Variants in CGB7 observed in about 807,000 individuals in gnomAD.
CGB7 encodes the protein chorionic gonadotropin subunit beta 7, also known as choriogonadotropin subunit beta 7.
A neutral mutation model predicts 7.3 loss-of-function variants in CGB7; 6 were observed. That is an observed-to-expected ratio of 0.82 (90% CI 0.45 to 1.62). The LOEUF (loss-of-function observed/expected upper bound fraction) is 1.62, where lower values mean the gene tolerates loss of function less well. CGB7 is among the 40% of genes most tolerant of loss of function. The pLI is 0.01. For missense variants in CGB7, 114 were observed against 236.2 expected (o/e 0.48, Z 3.39); for synonymous variants, 47 against 100.8 (o/e 0.47, Z 3.20).
intron 2 of CGB7, 66 bp from the exon 3 acceptor site, chr19:49,056,661 G>T: frequency 8.4e-7 from 1 of 1,184,142 alleles, no homozygotes; most frequent in Non-Finnish European, 1.1e-6. Flanking sequence ...CAGACCTCGG[G>T]ATCTAAGGAG....
In CGB7 at chr19:49,056,269, T is replaced by A. The variant is rs952575983; in HGVS notation, c.-894A>T. The A allele has an allele frequency of 3.1e-6, 4 of 1,290,292 alleles. No homozygotes were observed. In the African/African-American group the frequency reaches 6.1e-5, roughly 20 times the overall value. 79.9% of individuals were successfully genotyped at this position (1,290,292 alleles called of 1,614,324 possible). The stretch of plus-strand genomic sequence containing the variant: ...CTGGGGTGGGGCTGGCCCGGCAGGC[T>A]CCCACTAGCCCCGGCTTACAGCGGC... On this transcript the variant is annotated 5_prime_UTR_variant, in exon 3 of 5. Coordinates refer to ENST00000684222, the MANE Select transcript of CGB7 (RefSeq NM_001385261.1).
rs767078010 is a variant in CGB7 at position 49,057,209 on chromosome 19, G to A, written c.-1309C>T. 4.0e-5 allele frequency: 62 copies of A among 1,534,170 alleles called. No individual in the cohort carries two copies. The highest frequency in any genetic ancestry group is 5.3e-5 in the Non-Finnish European group (61 of 1,146,324). ...CCCCGGTCGGATACTGTGAAGGGTG[G>A]GCCAGACAGCGCGGGGTTCTTCGTG... On this transcript the variant is annotated 5_prime_UTR_variant, in exon 2 of 5. Coordinates refer to ENST00000684222, the MANE Select transcript of CGB7 (RefSeq NM_001385261.1).
In CGB7 at chr19:49,056,351, G is replaced by T. The variant is rs1239304133; in HGVS notation, c.-976C>A. On this transcript the variant is annotated 5_prime_UTR_variant, in exon 3 of 5. Coordinates refer to ENST00000684222, the MANE Select transcript of CGB7 (RefSeq NM_001385261.1). ...CGGGACGCTGTGTATGCCCGGCAGGGGCTTCCAGTGGGGGCCACCCCAAGT... is the reference window on the plus strand; with the variant it reads ...CGGGACGCTGTGTATGCCCGGCAGGTGCTTCCAGTGGGGGCCACCCCAAGT... 2.1e-5 allele frequency: 27 copies of T among 1,295,482 alleles called. No individual in the cohort carries two copies. The highest frequency in any genetic ancestry group is 2.7e-5 in the Non-Finnish European group (27 of 992,382). The allele number at this position is 1,295,482 out of a possible 1,614,324, so 80.2% of individuals were successfully genotyped here. A position where few individuals can be genotyped will look rare whatever the true frequency, so the allele number is the denominator to read the frequency against.
intron 2 of CGB7, 70 bp from the exon 3 acceptor site, chr19:49,056,665 T>G (rs1248155270): frequency 8.5e-7 from 1 of 1,180,606 alleles, no homozygotes; most frequent in East Asian, 5.4e-5. Context: ...CCTCGGGATC[T>G]AAGGAGTCTG....
rs771976429 is a variant in CGB7, at chr19:49,055,361, C to T, written c.15G>A (p.Gln5=). 5 of 1,613,090 alleles carry T rather than the reference C, an allele frequency of 3.1e-6. No homozygotes were observed. In the East Asian group the frequency reaches 1.1e-4, roughly 36 times the overall value. The change falls in exon 3 of 5, where the codon CAG becomes CAA. Residue 5 remains glutamine (Q), a splice_region_variant and synonymous_variant. Coordinates refer to ENST00000684222, the MANE Select transcript of CGB7 (RefSeq NM_001385261.1). ...GTGCCCAGGGGCCCTGCAGTCTTAC[C>T]TGGAACATCTCCATCCTTGGTGCGT... MEMF[Q]GLLLLLLLSM...
rs1181933892 is a variant in CGB7 at position 49,056,528 on chromosome 19, G to C, written c.-1153C>G. On this transcript the variant is annotated 5_prime_UTR_variant, in exon 3 of 5. Coordinates refer to ENST00000684222, the MANE Select transcript of CGB7 (RefSeq NM_001385261.1). Reference sequence around the variant, plus strand: ...TGCCGCTGCGGGTCGTGACTCCAGAGTTGGGGCGTCTCTTCTAAGCTCCAG... The same window carrying C: ...TGCCGCTGCGGGTCGTGACTCCAGACTTGGGGCGTCTCTTCTAAGCTCCAG... 19 of 1,303,138 alleles carry C rather than the reference G, an allele frequency of 1.5e-5. No individual in the cohort carries two copies. The highest frequency in any genetic ancestry group is 4.5e-5 in the African/African-American group (3 of 66,224). The allele number at this position is 1,303,138 out of a possible 1,614,324, so 80.7% of individuals were successfully genotyped here.
chr19:49,057,441 C>G (rs2040080443), intron 1 of CGB7, 21 bp downstream of exon 1: 1 of 1,349,738 alleles, frequency 7.4e-7, no homozygotes, highest in East Asian at 3.2e-5. Context: ...TTTCTCATAC[C>G]CGAACCCTTC....
chr19:49,057,507 G>A lies in CGB7; in HGVS notation c.-1394C>T. ...CTGCTGGTCAAGGAACTCAAATGCA[G>A]GCCCCCAGCCACCACAAAATCCCCC... On this transcript the variant is annotated 5_prime_UTR_variant, in exon 1 of 5. Transcript: ENST00000684222. 1 of 1,236,844 alleles carries A rather than the reference G, an allele frequency of 8.1e-7. No individual in the cohort carries two copies. The highest frequency in any genetic ancestry group is 1.0e-6 in the Non-Finnish European group (1 of 981,362). The allele number at this position is 1,236,844 out of a possible 1,614,324, so 76.6% of individuals were successfully genotyped here.
chr19:49,055,091 A>G (rs1159159913), intron 3 of CGB7, 83 bp from the exon 4 acceptor site: 1 of 1,598,848 alleles, frequency 6.3e-7, no homozygotes, highest in Non-Finnish European at 8.5e-7. Flanking sequence ...TACACCACCC[A>G]CAAAGACCCA....
In CGB7 at chr19:49,056,417, T is replaced by C; in HGVS notation, c.-1042A>G. On this transcript the variant is annotated 5_prime_UTR_variant, in exon 3 of 5. Coordinates refer to ENST00000684222, the MANE Select transcript of CGB7 (RefSeq NM_001385261.1). ...GAAGCGGTCGAGCCGGCGGAGCGGG[T>C]GCGGCGAGGAGCTGTAGGTTTCCTG... 7.7e-7 allele frequency: 1 copy of C among 1,296,292 alleles called. No homozygotes were observed. Among genetic ancestry groups the C allele is most frequent in the Non-Finnish European group, 1.0e-6 (1 of 993,152 alleles). The allele number at this position is 1,296,292 out of a possible 1,614,324, so 80.3% of individuals were successfully genotyped here. A position where few individuals can be genotyped will look rare whatever the true frequency, so the allele number is the denominator to read the frequency against.
rs1245037310 is a variant in CGB7, at chr19:49,056,582, C to T, written c.-1207G>A. On this transcript the variant is annotated 5_prime_UTR_variant, in exon 3 of 5. Transcript: ENST00000684222. Reference sequence around the variant, plus strand: ...GTCAGGTAGTCCTTGCGGGGGTATCCGGACGGCTCCGTCCTGTGGGAGCAG... The same window carrying T: ...GTCAGGTAGTCCTTGCGGGGGTATCTGGACGGCTCCGTCCTGTGGGAGCAG... 1.5e-6 allele frequency: 2 copies of T among 1,291,714 alleles called. No homozygotes were observed. Among genetic ancestry groups the T allele is most frequent in the Non-Finnish European group, 1.0e-6 (1 of 989,774 alleles). 80.0% of individuals were successfully genotyped at this position (1,291,714 alleles called of 1,614,324 possible).
Position 49,055,432 on chromosome 19 carries a change from G to T in CGB7, c.-57C>A. On this transcript the variant is annotated 5_prime_UTR_variant, in exon 3 of 5. Transcript: ENST00000684222. ...CTTTATACCTCGGGTTTGTGGGGGC[G>T]TCAAGGCCACCAGGAGGTTGTAGGA... The T allele has an allele frequency of 6.2e-7, 1 of 1,605,846 alleles. No homozygotes were observed. The highest frequency in any genetic ancestry group is 8.5e-7 in the Non-Finnish European group (1 of 1,175,704).
Position 49,054,850 on chromosome 19 carries a change from G to T in CGB7, c.174C>A (p.Cys58Ter). ...TVNTTICAGY[C>*]PTMTRVLQGV... is the part of the protein sequence containing the mutation. ...GCCCCGGGCAGCTCACCATGGTGGG[G>T]CAGTAGCCGGCACAGATGGTGGTGT... The change falls in exon 4 of 5, where the codon TGC becomes TGA. Residue 58 changes from cysteine (C) to a stop codon, truncating the protein, a stop_gained. Coordinates refer to ENST00000684222, the MANE Select transcript of CGB7 (RefSeq NM_001385261.1). LOFTEE classifies it low-confidence loss of function (END_TRUNC). 1 of 1,585,380 alleles carries T rather than the reference G, an allele frequency of 6.3e-7. No individual in the cohort carries two copies. The highest frequency in any genetic ancestry group is 8.5e-7 in the Non-Finnish European group (1 of 1,172,810).
chr19:49,054,989 A>G lies in CGB7; in HGVS notation c.35T>C (p.Leu12Pro), dbSNP rs551337627. The G allele has an allele frequency of 6.2e-7, 1 of 1,601,956 alleles. No individual in the cohort carries two copies. Among genetic ancestry groups the G allele is most frequent in the East Asian group, 2.2e-5 (1 of 44,816 alleles). ...TGCCCATGTCCCGCCCATGCTCAGC[A>G]GCAGCAACAGCAGCAGCCCCTGGGA... ...EMFQGLLLLL[L>P]LSMGGTWASR... Residue 12 changes from leucine (L) to proline (P), a missense_variant, in exon 4 of 5, where the codon CTG becomes CCG. Physicochemically the swap from Leu to Pro is moderately conservative, Grantham distance 98. This residue lies in a region of CGB7 where 58 missense variants were observed against 91.7 expected (regional missense o/e 0.63). Coordinates refer to ENST00000684222, the MANE Select transcript of CGB7 (RefSeq NM_001385261.1).
At position 49,055,984 on chromosome 19, in the gene CGB7, T is replaced by G. The variant is rs2040055923; in HGVS notation, c.-609A>C. 9.0e-7 allele frequency: 1 copy of G among 1,115,694 alleles called. No homozygotes were observed. Among genetic ancestry groups the G allele is most frequent in the South Asian group, 2.1e-5 (1 of 47,148 alleles). The allele number at this position is 1,115,694 out of a possible 1,614,324, so 69.1% of individuals were successfully genotyped here. Reference sequence around the variant, plus strand: ...GGATGCCCGGAGCGGTCCCCGGAAATGCGTGTGCTTCAGGTGATTTAACTG... The same window carrying G: ...GGATGCCCGGAGCGGTCCCCGGAAAGGCGTGTGCTTCAGGTGATTTAACTG... On this transcript the variant is annotated 5_prime_UTR_variant, in exon 3 of 5. Coordinates refer to ENST00000684222, the MANE Select transcript of CGB7 (RefSeq NM_001385261.1).
chr19:49,056,241 T>C lies in CGB7; in HGVS notation c.-866A>G. 7.8e-7 allele frequency: 1 copy of C among 1,288,834 alleles called. No homozygotes were observed. Among genetic ancestry groups the C allele is most frequent in the South Asian group, 1.2e-5 (1 of 81,068 alleles). The allele number at this position is 1,288,834 out of a possible 1,614,324, so 79.8% of individuals were successfully genotyped here. On this transcript the variant is annotated 5_prime_UTR_variant, in exon 3 of 5. Coordinates refer to ENST00000684222, the MANE Select transcript of CGB7 (RefSeq NM_001385261.1). ...TGCTCCGCCCCCACGCCAGGGGGCG[T>C]GTCTGGGGTGGGGCTGGCCCGGCAG...
At position 49,056,400 on chromosome 19, in the gene CGB7, C is replaced by G. The variant is rs1017966784; in HGVS notation, c.-1025G>C. Reference sequence around the variant, plus strand: ...GTCGCCTCCAGCGGGCGGAAGCGGTCGAGCCGGCGGAGCGGGTGCGGCGAG... The same window carrying G: ...GTCGCCTCCAGCGGGCGGAAGCGGTGGAGCCGGCGGAGCGGGTGCGGCGAG... On this transcript the variant is annotated 5_prime_UTR_variant, in exon 3 of 5. Transcript: ENST00000684222. The G allele has an allele frequency of 1.5e-5, 20 of 1,295,872 alleles. No homozygotes were observed. In the African/African-American group the frequency reaches 2.1e-4, roughly 14 times the overall value. 80.3% of individuals were successfully genotyped at this position (1,295,872 alleles called of 1,614,324 possible). A position where few individuals can be genotyped will look rare whatever the true frequency, so the allele number is the denominator to read the frequency against.
rs1568404647 is a variant in CGB7 at position 49,055,005 on chromosome 19, GC to G, written c.18del (p.Leu7CysfsTer7). On this transcript the variant is annotated frameshift_variant and splice_region_variant, in exon 4 of 5. Coordinates refer to ENST00000684222, the MANE Select transcript of CGB7 (RefSeq NM_001385261.1). LOFTEE classifies it high-confidence loss of function. ...ATGCTCAGCAGCAGCAACAGCAGCAGCCCCTGGGACAAGGACACTGCTTCAC... is the reference window on the plus strand; with the variant it reads ...ATGCTCAGCAGCAGCAACAGCAGCAGCCCTGGGACAAGGACACTGCTTCAC... MEMFQGLLLLLLLSMG... is the reference protein window; with the variant it reads MEMFQXLLLLLLLSMG... The G allele has an allele frequency of 6.2e-7, 1 of 1,602,018 alleles. No individual in the cohort carries two copies. Among genetic ancestry groups the G allele is most frequent in the Non-Finnish European group, 8.5e-7 (1 of 1,179,510 alleles).
In CGB7 at chr19:49,055,820, A is replaced by C. The variant is rs1389259416; in HGVS notation, c.-445T>G. On this transcript the variant is annotated 5_prime_UTR_variant, in exon 3 of 5. Transcript: ENST00000684222. ...ACAGGAGGGGCGCGGCTTCGGACTTAGCTTCTGCCCAGTGAGAGAGGGTCT... is the reference window on the plus strand; with the variant it reads ...ACAGGAGGGGCGCGGCTTCGGACTTCGCTTCTGCCCAGTGAGAGAGGGTCT... The C allele has an allele frequency of 9.2e-7, 1 of 1,090,374 alleles. No homozygotes were observed. 67.5% of individuals were successfully genotyped at this position (1,090,374 alleles called of 1,614,324 possible).
Sources: gnomAD v4.1 joint callset for allele counts on GRCh38, gnomAD v4.1.1 for gene constraint, gnomAD v4.1.1 regional missense constraint, MANE v1.5 for transcripts, NCBI Gene and HGNC (gene_info 2026-07-23, HGNC 2026-07-21) for gene names.